Variants in CYREN observed in about 807,000 individuals in gnomAD.
CYREN encodes the protein cell cycle regulator of NHEJ.
In CYREN, 7 loss-of-function variants were observed where a neutral mutation model predicts 9.7. The observed-to-expected ratio is 0.72, with a 90% CI of 0.41 to 1.36. The LOEUF (loss-of-function observed/expected upper bound fraction) is 1.36. Ranked by LOEUF, CYREN falls within the 40% of genes most tolerant of loss-of-function variation. The probability of loss-of-function intolerance (pLI) is 0.01; values close to 1 mark genes in which losing one functional copy is unlikely to be tolerated. For missense variants in CYREN, 215 were observed against 198.1 expected, an observed-to-expected ratio of 1.09 and a Z score of -0.51; for synonymous variants, 76 against 77.9, an observed-to-expected ratio of 0.98 and a Z score of 0.13.
At chr7:135,169,192 G>A in intron 1 of CYREN, 132 bp from the exon 2 acceptor site, 1 of 327,116 alleles carries the variant, frequency 3.1e-6, no homozygotes, top group Non-Finnish European at 5.7e-6. Flanking sequence ...GCATCAGGCA[G>A]GTGTGATTGT....
chr7:135,166,807 G>C lies in CYREN; in HGVS notation c.278C>G (p.Ser93Cys). ...ALAGADNPEH[S>C]PPCSVSPHTS... ...GTGAGGCGACACGGAGCAGGGAGGG[G>C]AGTGCTCTGGGTTATCAGCCCCCGC... is the stretch of plus-strand genomic sequence containing the variant. Residue 93 changes from serine (S) to cysteine (C), a missense_variant, in exon 4 of 4, where the codon TCC becomes TGC. Ser to Cys is a moderately radical substitution (Grantham distance 112). Transcript: ENST00000393114. 6.2e-7 allele frequency: 1 copy of C among 1,614,206 alleles called. No individual in the cohort carries two copies. Among genetic ancestry groups the C allele is most frequent in the South Asian group, 1.1e-5 (1 of 91,084 alleles).
intron 2 of CYREN, among the ~76,000 whole-genome samples, chr7:135,154,094 CTCTAGTTTT>C (rs1353984528): frequency 6.6e-6 from 1 of 152,028 alleles, no homozygotes; most frequent in East Asian, 1.9e-4. Context: ...TATCTATTTC[CTCTAGTTTT>C]TCTAGTTTGT....
chr7:135,120,123 A>C (rs1005728278), intron 2 of CYREN, among the ~76,000 whole-genome samples: 2 of 152,240 alleles, frequency 1.3e-5, no homozygotes, highest in African/African-American at 2.4e-5. Flanking sequence ...AGAATGACTA[A>C]AGGAATTTTT....
At chr7:135,125,006 C>A (rs879204122) in intron 2 of CYREN, among the ~76,000 whole-genome samples, 1 of 151,968 alleles carries the variant, frequency 6.6e-6, no homozygotes, top group Non-Finnish European at 1.5e-5. Context: ...GAGGCAAGAG[C>A]AAACTAATCC....
intron 2 of CYREN, chr7:135,115,322 A>G (rs903418050): frequency 1.7e-6 from 2 of 1,149,308 alleles, no homozygotes; most frequent in African/African-American, 3.1e-5. Context: ...ATAATGCCCA[A>G]TAAGTAATTG....
chr7:135,168,756 G>A (rs140377437), intron 2 of CYREN, 30 bp downstream of exon 2: 39 of 1,606,664 alleles, frequency 2.4e-5, no homozygotes, highest in Middle Eastern at 3.3e-4. Flanking sequence ...TGCCAGATTC[G>A]CAGGAGTCTT....
chr7:135,134,603 A>G (rs2117373982), intron 2 of CYREN, among the ~76,000 whole-genome samples: 1 of 152,194 alleles, frequency 6.6e-6, no homozygotes, highest in East Asian at 1.9e-4. Context: ...GGCTGAGGTT[A>G]GAGTAGGTAT....
chr7:135,167,857 T>C, intron 2 of CYREN, 50 bp from the exon 3 acceptor site: 1 of 1,612,960 alleles, frequency 6.2e-7, no homozygotes, highest in Non-Finnish European at 8.5e-7. Context: ...TCAAGTCTCA[T>C]AAGGGCAAAG....
intron 2 of CYREN, among the ~76,000 whole-genome samples, chr7:135,101,943 G>C (rs1280316711): frequency 6.6e-6 from 1 of 152,166 alleles, no homozygotes; most frequent in Non-Finnish European, 1.5e-5. Flanking sequence ...AGATCCGTTG[G>C]TTTTATAAGG....
intron 2 of CYREN, among the ~76,000 whole-genome samples, chr7:135,148,490 A>T (rs1829595469): frequency 6.6e-6 from 1 of 152,138 alleles, no homozygotes; most frequent in African/African-American, 2.4e-5. Context: ...CGGCATCAAC[A>T]TGTGTAGCTC....
In CYREN at chr7:135,166,976, T is replaced by C. The variant is rs757526399; in HGVS notation, c.214-105A>G. On this transcript the variant is annotated intron_variant, in intron 3 of 3. Transcript: ENST00000393114. ...TATCTAGAAGCAACTACAAAGCCAA[T>C]GTGACCAGGCCAGGCAATGTACCCA... 1.1e-4 allele frequency: 171 copies of C among 1,530,458 alleles called. 1 individual carries two copies. Among genetic ancestry groups the C allele is most frequent in the Non-Finnish European group, 1.3e-4 (152 of 1,140,028 alleles). 94.8% of individuals were successfully genotyped at this position (1,530,458 alleles called of 1,614,324 possible).
downstream of CYREN, chr7:135,164,425 G>A (rs754822323): frequency 4.9e-5 from 77 of 1,587,058 alleles, no homozygotes; most frequent in Admixed American, 1.9e-4. Flanking sequence ...CAGGTCCCCC[G>A]GCAGAGGGCA....
chr7:135,118,978 G>GA (rs1826726766), intron 2 of CYREN, among the ~76,000 whole-genome samples: 1 of 152,004 alleles, frequency 6.6e-6, no homozygotes, highest in South Asian at 2.1e-4. Flanking sequence ...GAACATAAGA[G>GA]AAAAAATAGG....
At chr7:135,167,637 G>A (rs941118487) in intron 3 of CYREN, 95 bp downstream of exon 3, 23 of 1,557,202 alleles carry the variant, frequency 1.5e-5, no homozygotes, top group East Asian at 2.3e-5. Context: ...GGTAGCCTAC[G>A]GCAGAGGGCG....
chr7:135,128,548 G>T lies in CYREN; in HGVS notation n.357-33966C>A, dbSNP rs1828277543. The T allele has an allele frequency of 1.6e-5, 12 of 767,496 alleles. 1 individual carries two copies. In the South Asian group the frequency reaches 1.6e-4, roughly 10 times the overall value. 47.5% of individuals were successfully genotyped at this position (767,496 alleles called of 1,614,324 possible). A position where few individuals can be genotyped will look rare whatever the true frequency, so the allele number is the denominator to read the frequency against. On this transcript the variant is annotated intron_variant and non_coding_transcript_variant, in intron 2 of 2. Coordinates refer to the CYREN transcript ENST00000459937. The stretch of plus-strand genomic sequence containing the variant: ...AGTCTGTCCAAGGTGGAGAAACCAG[G>T]ATCTATTTGGATTTGCCATAGAATT...
intron 2 of CYREN, among the ~76,000 whole-genome samples, chr7:135,124,426 G>C (rs1338719881): frequency 6.6e-6 from 1 of 152,320 alleles, no homozygotes; most frequent in East Asian, 1.9e-4. Context: ...AAAAGAGACA[G>C]ACTCCCACAC....
intron 2 of CYREN, among the ~76,000 whole-genome samples, chr7:135,148,698 C>T (rs1829602364): frequency 6.6e-6 from 1 of 152,182 alleles, no homozygotes; most frequent in East Asian, 1.9e-4. Flanking sequence ...ATGGTAGTTA[C>T]GAACACATCA....
chr7:135,115,537 T>C (rs750731396), intron 2 of CYREN: 1 of 1,551,466 alleles, frequency 6.4e-7, no homozygotes, highest in South Asian at 1.2e-5. Flanking sequence ...CCATCGTGCA[T>C]AGCACTAAAA....
rs538438106 is a variant in CYREN at position 135,150,939 on chromosome 7, C to A, written n.356+17810G>T. 4.6e-5 allele frequency among the ~76,000 whole-genome samples: 7 copies of A among 152,324 alleles called. No individual in the cohort carries two copies. The South Asian group carries it at 1.4e-3, about 32-fold the overall frequency. On this transcript the variant is annotated intron_variant and non_coding_transcript_variant, in intron 2 of 2. Transcript: ENST00000459937. ...CTTCTCCCTCTAAACTTTTTGTAAT[C>A]TTTGTTCCCACTTGGATTATCTGCT... is the stretch of plus-strand genomic sequence containing the variant.
Sources: allele counts gnomAD v4.1 joint callset (sites outside exome capture counted in the v4.1 genomes callset), GRCh38; gene constraint gnomAD v4.1.1; transcripts MANE v1.5; gene names NCBI Gene and HGNC (gene_info 2026-07-23, HGNC 2026-07-21).